The following CRPPA variants were observed in gnomAD, a reference collection of about 807,000 sequenced individuals.
CRPPA encodes the protein CDP-L-ribitol pyrophosphorylase A, also known as D-ribitol-5-phosphate cytidylyltransferase.
Under a neutral mutation model 52.0 loss-of-function variants are expected in CRPPA, and 43 were observed. The ratio of observed to expected loss-of-function variants is 0.83; its 90% CI spans 0.65 to 1.07. The LOEUF (loss-of-function observed/expected upper bound fraction) is 1.07, where lower values mean the gene tolerates loss of function less well. Among genes scored for constraint, CRPPA ranks in the 50% least tolerant of loss-of-function variants. CRPPA has a pLI of 0.00. For missense variants in CRPPA, 629 were observed against 551.7 expected (o/e 1.14, Z -1.40); for synonymous variants, 250 against 203.5 (o/e 1.23, Z -1.94).
chr7:16,350,696 C>A (rs1189919925), intron 3 of CRPPA, among the ~76,000 whole-genome samples: 4 of 152,010 alleles, frequency 2.6e-5, no homozygotes, highest in African/African-American at 9.7e-5. Flanking sequence ...GAGAAAGGAA[C>A]CAAGGACCTG....
intron 8 of CRPPA, among the ~76,000 whole-genome samples, chr7:16,250,613 C>A (rs1783420797): frequency 6.6e-6 from 1 of 152,086 alleles, no homozygotes; most frequent in South Asian, 2.1e-4. Flanking sequence ...AATTTCATAT[C>A]CAGCCAAACT....
At chr7:16,345,570 G>A (rs1303796844) in intron 3 of CRPPA, among the ~76,000 whole-genome samples, 4 of 152,116 alleles carry the variant, frequency 2.6e-5, no homozygotes, top group Non-Finnish European at 5.9e-5. Context: ...TGCAATATAT[G>A]TGACAACACA....
chr7:16,236,958 A>ACG (rs1409690092), intron 8 of CRPPA, among the ~76,000 whole-genome samples: 1 of 151,778 alleles, frequency 6.6e-6, no homozygotes, highest in African/African-American at 2.4e-5. Context: ...GCGCACACAC[A>ACG]CACACACACA....
At chr7:16,393,394 C>A (rs553879308) in intron 2 of CRPPA, among the ~76,000 whole-genome samples, 2 of 152,140 alleles carry the variant, frequency 1.3e-5, no homozygotes, top group African/African-American at 4.8e-5. Context: ...GGTACGAAAA[C>A]AGACCAACAG....
chr7:16,216,801 G>A (rs907741603), intron 8 of CRPPA, among the ~76,000 whole-genome samples: 15 of 152,196 alleles, frequency 9.9e-5, no homozygotes, highest in Admixed American at 2.0e-4. Flanking sequence ...CGCCCACGGA[G>A]TCTCACTGAT....
At chr7:16,109,273 T>C (rs1204918143) in intron 9 of CRPPA, among the ~76,000 whole-genome samples, 2 of 151,744 alleles carry the variant, frequency 1.3e-5, no homozygotes, top group African/African-American at 4.8e-5. Context: ...AGAGACTACC[T>C]CAAACAATTA....
intron 2 of CRPPA, among the ~76,000 whole-genome samples, chr7:16,404,116 T>C (rs571189232): frequency 6.6e-6 from 1 of 152,328 alleles, no homozygotes; most frequent in Admixed American, 6.5e-5. Flanking sequence ...AACATGGATG[T>C]ATATAAAACT....
At chr7:16,327,623 A>C (rs1367558209) in intron 3 of CRPPA, among the ~76,000 whole-genome samples, 1 of 149,074 alleles carries the variant, frequency 6.7e-6, no homozygotes, top group Admixed American at 6.7e-5. Context: ...AAAAAAAAAA[A>C]AAAAGAGTAA....
intron 8 of CRPPA, among the ~76,000 whole-genome samples, chr7:16,250,257 C>G (rs760335146): frequency 1.3e-5 from 2 of 152,128 alleles, no homozygotes; most frequent in African/African-American, 2.4e-5. Context: ...ATTGGTGTAC[C>G]TGAAAGTGAC....
At chr7:16,399,625 CGATCGACACAT>C (rs1787739318) in intron 2 of CRPPA, among the ~76,000 whole-genome samples, 1 of 151,634 alleles carries the variant, frequency 6.6e-6, no homozygotes, top group Non-Finnish European at 1.5e-5. Flanking sequence ...GTGACTGACC[CGATCGACACAT>C]GATCGACATG....
chr7:16,125,202 G>A (rs1233107208), intron 9 of CRPPA, among the ~76,000 whole-genome samples: 1 of 138,438 alleles, frequency 7.2e-6, no homozygotes, highest in Admixed American at 8.0e-5. Flanking sequence ...AGAGGCTGCA[G>A]TGAGCCGAGA....
At chr7:16,250,588 G>C (rs1000278415) in intron 8 of CRPPA, among the ~76,000 whole-genome samples, 7 of 152,138 alleles carry the variant, frequency 4.6e-5, no homozygotes, top group Non-Finnish European at 1.0e-4. Context: ...TTAAAGAAAA[G>C]AATTTTCAAC....
At chr7:16,364,170 T>C (rs1306593796) in intron 3 of CRPPA, among the ~76,000 whole-genome samples, 2 of 152,218 alleles carry the variant, frequency 1.3e-5, no homozygotes, top group Non-Finnish European at 2.9e-5. Flanking sequence ...TAAAGTTGTG[T>C]CTTTTTACAT....
intron 9 of CRPPA, among the ~76,000 whole-genome samples, chr7:16,201,095 A>C (rs570994696): frequency 3.5e-4 from 54 of 152,346 alleles, no homozygotes; most frequent in African/African-American, 1.2e-3. Flanking sequence ...CATATTTCAC[A>C]AGATGAAAGG....
intron 5 of CRPPA, among the ~76,000 whole-genome samples, chr7:16,283,552 ATGTG>A (rs572305880): frequency 4.7e-5 from 7 of 149,538 alleles, no homozygotes; most frequent in African/African-American, 9.8e-5. Flanking sequence ...TATACTATAT[ATGTG>A]TGTGTGTGTG....
intron 9 of CRPPA, among the ~76,000 whole-genome samples, chr7:16,186,810 G>C (rs200746319): frequency 1.3e-5 from 1 of 76,258 alleles, no homozygotes; most frequent in East Asian, 8.1e-4. Flanking sequence ...AGATATAACA[G>C]AGCAAAATCT....
chr7:16,221,570 A>G (rs1009671436), intron 8 of CRPPA, among the ~76,000 whole-genome samples: 10 of 152,188 alleles, frequency 6.6e-5, no homozygotes, highest in South Asian at 2.1e-4. Context: ...AATATCCAGA[A>G]TCTACAATGA....
chr7:16,253,456 T>C (rs1275242254), intron 8 of CRPPA, among the ~76,000 whole-genome samples: 1 of 152,246 alleles, frequency 6.6e-6, no homozygotes, highest in Non-Finnish European at 1.5e-5. Context: ...TTGATTGCAC[T>C]GTGGTCTGAG....
At chr7:16,295,723 T>C (rs545323369) in intron 5 of CRPPA, among the ~76,000 whole-genome samples, 1 of 152,228 alleles carries the variant, frequency 6.6e-6, no homozygotes, top group Non-Finnish European at 1.5e-5. Flanking sequence ...GTATGGCTTA[T>C]GCAAATCTAT....
Sources: allele counts gnomAD v4.1 joint callset (sites outside exome capture counted in the v4.1 genomes callset), GRCh38; gene constraint gnomAD v4.1.1; transcripts MANE v1.5; gene names NCBI Gene and HGNC (gene_info 2026-07-23, HGNC 2026-07-21).